CSMD3: variants seen among roughly 807,000 people sequenced by gnomAD.
The protein encoded by CSMD3 is CUB and sushi domain-containing protein 3.
Under a neutral mutation model 435.2 loss-of-function variants are expected in CSMD3, and 177 were observed. That is an observed-to-expected ratio of 0.41 (90% CI 0.36 to 0.46). The LOEUF (loss-of-function observed/expected upper bound fraction) is 0.46. CSMD3 is among the 20% of genes least tolerant of loss of function. The pLI is 0.34. For synonymous variants in CSMD3, 1,656 were observed against 1,520.5 expected (o/e 1.09, Z -2.07); for missense variants, 4,265 against 4,504.6 (o/e 0.95, Z 1.52).
intron 45 of CSMD3, among the ~76,000 whole-genome samples, chr8:112,325,714 C>T (rs1823441203): frequency 6.6e-6 from 1 of 151,920 alleles, no homozygotes; most frequent in Admixed American, 6.6e-5. Context: ...ATATATAACA[C>T]ATTCTTATGG....
intron 32 of CSMD3, among the ~76,000 whole-genome samples, chr8:112,458,474 T>C (rs889927942): frequency 6.6e-6 from 1 of 152,068 alleles, no homozygotes; most frequent in Admixed American, 6.6e-5. Flanking sequence ...CTGTAGTAGT[T>C]TGAAATAAAC....
In CSMD3 at chr8:113,376,710, C is replaced by A. The variant is rs1291241332; in HGVS notation, c.178+59967G>T. The A allele has an allele frequency of 3.7e-6, 6 of 1,613,582 alleles. No homozygotes were observed. The African/African-American group carries it at 6.7e-5, about 18-fold the overall frequency. The stretch of plus-strand genomic sequence containing the variant: ...GCCACAAGGACCGAAAGGTTCGGCG[C>A]AAGGAGCCTAAGAGCCAGGATATCT... On this transcript the variant is annotated intron_variant, in intron 1 of 70. Transcript: ENST00000297405.
chr8:112,579,762 TTTATCA>T (rs2131325149), intron 23 of CSMD3, among the ~76,000 whole-genome samples: 1 of 152,172 alleles, frequency 6.6e-6, no homozygotes, highest in East Asian at 1.9e-4. Context: ...GGTTAATAAC[TTTATCA>T]TGTCTCTACA....
intron 6 of CSMD3, among the ~76,000 whole-genome samples, chr8:112,988,102 G>A (rs1269520316): frequency 6.6e-6 from 1 of 151,920 alleles, no homozygotes; most frequent in East Asian, 1.9e-4. Context: ...TATGGGTTTG[G>A]ACAATGATGA....
intron 22 of CSMD3, among the ~76,000 whole-genome samples, chr8:112,594,996 T>C (rs917725697): frequency 1.3e-5 from 2 of 152,038 alleles, no homozygotes; most frequent in South Asian, 2.1e-4. Flanking sequence ...TCACCAGCAA[T>C]GGAACAAAGC....
chr8:112,493,885 C>T (rs1259535047), intron 30 of CSMD3, among the ~76,000 whole-genome samples: 1 of 151,930 alleles, frequency 6.6e-6, no homozygotes, highest in Non-Finnish European at 1.5e-5. Context: ...TACAATAAAT[C>T]AGGATAACAA....
intron 2 of CSMD3, among the ~76,000 whole-genome samples, chr8:113,307,235 A>G (rs2093828549): frequency 6.6e-6 from 1 of 152,164 alleles, no homozygotes; most frequent in Non-Finnish European, 1.5e-5. Context: ...TGTACTTGAA[A>G]CATGCTTTAT....
Position 112,655,338 on chromosome 8 carries a change from GTTAGA to G in CSMD3, c.3004+811_3004+815del, listed in dbSNP as rs555804026. Among the ~76,000 whole-genome samples, 11 of 152,142 alleles carry G rather than the reference GTTAGA, an allele frequency of 7.2e-5. No homozygotes were observed. The South Asian group carries it at 2.1e-3, about 29-fold the overall frequency. On this transcript the variant is annotated intron_variant, in intron 18 of 70. Transcript: ENST00000297405. The stretch of plus-strand genomic sequence containing the variant: ...TTTTAATAACCCTCTTAAGTGTGTT[GTTAGA>G]TTAATTTATCAAAAGTGCATTTCAC...
intron 10 of CSMD3, among the ~76,000 whole-genome samples, chr8:112,863,898 A>C (rs1221762030): frequency 6.6e-6 from 1 of 152,136 alleles, no homozygotes; most frequent in Non-Finnish European, 1.5e-5. Flanking sequence ...AAACCAATGA[A>C]TGTATGAAAT....
intron 1 of CSMD3, among the ~76,000 whole-genome samples, chr8:113,425,011 CTGTAGGA>C (rs2094628201): frequency 6.6e-6 from 1 of 151,468 alleles, no homozygotes; most frequent in African/African-American, 2.4e-5. Flanking sequence ...TGATGACTTC[CTGTAGGA>C]TAGGCACTAG....
chr8:112,299,173 T>C (rs1413510130), intron 53 of CSMD3, among the ~76,000 whole-genome samples: 1 of 151,856 alleles, frequency 6.6e-6, no homozygotes, highest in Non-Finnish European at 1.5e-5. Context: ...AATATCGAAA[T>C]AGTTACTGCC....
intron 1 of CSMD3, among the ~76,000 whole-genome samples, chr8:113,417,656 G>C (rs995532716): frequency 1.3e-5 from 2 of 151,912 alleles, no homozygotes; most frequent in Non-Finnish European, 2.9e-5. Flanking sequence ...ACTATAGGCT[G>C]TCTTATTTTT....
chr8:112,315,468 T>C (rs1822371057), intron 47 of CSMD3, among the ~76,000 whole-genome samples: 1 of 151,862 alleles, frequency 6.6e-6, no homozygotes, highest in African/African-American at 2.4e-5. Context: ...AATTATGCCA[T>C]TTTAATCTCT....
intron 50 of CSMD3, among the ~76,000 whole-genome samples, chr8:112,306,559 T>G (rs947163126): frequency 3.9e-5 from 6 of 152,164 alleles, no homozygotes; most frequent in African/African-American, 1.4e-4. Flanking sequence ...TATAGCAAGT[T>G]TGATTAATTC....
intron 32 of CSMD3, among the ~76,000 whole-genome samples, chr8:112,459,812 C>T (rs1276211817): frequency 6.6e-6 from 1 of 152,114 alleles, no homozygotes; most frequent in Admixed American, 6.6e-5. Flanking sequence ...TAGTTCCTGA[C>T]TAGTACTTTG....
chr8:112,612,179 T>A (rs550899286), intron 22 of CSMD3, among the ~76,000 whole-genome samples: 1 of 152,160 alleles, frequency 6.6e-6, no homozygotes, highest in Non-Finnish European at 1.5e-5. Flanking sequence ...TTGATTTTCC[T>A]GAGAAAAAAA....
chr8:112,501,758 A>T (rs138124057), intron 30 of CSMD3, among the ~76,000 whole-genome samples: 3 of 152,342 alleles, frequency 2.0e-5, no homozygotes, highest in Non-Finnish European at 4.4e-5. Context: ...TTTCATCGTC[A>T]TTCATTTCTG....
At chr8:113,379,215 T>C (rs1396003327) in intron 1 of CSMD3, among the ~76,000 whole-genome samples, 1 of 152,160 alleles carries the variant, frequency 6.6e-6, no homozygotes, top group African/African-American at 2.4e-5. Context: ...CAAACCATGC[T>C]ATTATTGTCT....
intron 5 of CSMD3, among the ~76,000 whole-genome samples, chr8:113,041,679 T>C (rs2087623434): frequency 6.6e-6 from 1 of 152,066 alleles, no homozygotes; most frequent in Admixed American, 6.6e-5. Flanking sequence ...CTTTATTGTC[T>C]TCCTTTTTAA....
Sources: allele counts gnomAD v4.1 joint callset (sites outside exome capture counted in the v4.1 genomes callset), GRCh38; gene constraint gnomAD v4.1.1; transcripts MANE v1.5; gene names NCBI Gene and HGNC (gene_info 2026-07-23, HGNC 2026-07-21).